The following PPP2R3C variants were observed in gnomAD, a reference collection of about 807,000 sequenced individuals.
PPP2R3C encodes the protein protein phosphatase 2 regulatory subunit B''gamma.
PPP2R3C carries 47 observed loss-of-function variants against 63.7 expected under a neutral mutation model. The observed-to-expected ratio is 0.74, with a 90% confidence interval of 0.58 to 0.94. The LOEUF is 0.94. Ranked by LOEUF, PPP2R3C falls within the 40% of genes least tolerant of loss-of-function variation. The pLI is 0.00. For synonymous variants in PPP2R3C, 180 were observed against 177.4 expected, an observed-to-expected ratio of 1.01 and a Z score of -0.12; for missense variants, 421 against 518.4, an observed-to-expected ratio of 0.81 and a Z score of 1.82.
chr14:35,099,342 G>C lies in PPP2R3C; in HGVS notation c.616C>G (p.Gln206Glu). 6.2e-7 allele frequency: 1 copy of C among 1,601,816 alleles called. No individual in the cohort carries two copies. ...YILELIPTLPQLDGLEKSFYS... is the reference protein window; with the variant it reads ...YILELIPTLPELDGLEKSFYS... ...AAAGATTTTTCCAGACCATCTAATT[G>C]TGGCAACGTAGGGATAAGTTCCAAT... The change falls in exon 7 of 13, where the codon CAA becomes GAA. Residue 206 changes from glutamine (Q) to glutamate (E), a missense_variant. Coordinates refer to ENST00000261475, the MANE Select transcript of PPP2R3C (RefSeq NM_017917.4).
chr14:35,096,437 G>A, intron 9 of PPP2R3C, 121 bp downstream of exon 9: 1 of 957,636 alleles, frequency 1.0e-6, no homozygotes, highest in South Asian at 1.6e-5. Flanking sequence ...GAATACTAAA[G>A]CTTAAGGTAA....
In PPP2R3C at chr14:35,109,881, C is replaced by A. The variant is rs1183689416; in HGVS notation, c.342G>T (p.Glu114Asp). 1 of 1,612,272 alleles carries A rather than the reference C, an allele frequency of 6.2e-7. No individual in the cohort carries two copies. The highest frequency in any genetic ancestry group is 2.2e-5 in the East Asian group (1 of 44,850). Residue 114 changes from glutamate to aspartate, a missense_variant, in exon 4 of 13, where the codon GAG (glutamate) becomes GAT (aspartate). Glu to Asp is a conservative substitution (Grantham distance 45). Coordinates refer to ENST00000261475, the MANE Select transcript of PPP2R3C (RefSeq NM_017917.4). ...DKHQTPPMIG[E>D]EAMINYENFL... ...AGTTTTCGTAATTGATCATCGCTTC[C>A]TCTCCAATCATAGGTGGTGTCTGGT...
chr14:35,090,138 A>T (rs1043138819), intron 11 of PPP2R3C, among the ~76,000 whole-genome samples: 1 of 152,102 alleles, frequency 6.6e-6, no homozygotes, highest in Non-Finnish European at 1.5e-5. Context: ...CAAATATGTG[A>T]TAAATTCTAT....
At chr14:35,091,743 C>T (rs747601972) in intron 10 of PPP2R3C, among the ~76,000 whole-genome samples, 15 of 151,118 alleles carry the variant, frequency 9.9e-5, no homozygotes, top group African/African-American at 2.7e-4. Context: ...TTTTTTGAGA[C>T]GGAGTCTTGC....
chr14:35,109,729 T>C, intron 4 of PPP2R3C, 90 bp downstream of exon 4: 1 of 1,071,422 alleles, frequency 9.3e-7, no homozygotes, highest in Non-Finnish European at 1.4e-6. Flanking sequence ...CTGCTGGGAT[T>C]ACAGGTGTGA....
In PPP2R3C at chr14:35,085,622, T is replaced by C. The variant is rs753034402; in HGVS notation, c.1330A>G (p.Ser444Gly). The C allele has an allele frequency of 3.7e-6, 6 of 1,612,378 alleles. No homozygotes were observed. Among genetic ancestry groups the C allele is most frequent in the Non-Finnish European group, 5.1e-6 (6 of 1,179,538 alleles). Residue 444 changes from serine to glycine, a missense_variant, in exon 13 of 13, where the codon AGT (serine) becomes GGT (glycine). Physicochemically the swap from Ser to Gly is moderately conservative, Grantham distance 56 (BLOSUM62 0). Coordinates refer to ENST00000261475, the MANE Select transcript of PPP2R3C (RefSeq NM_017917.4). The stretch of plus-strand genomic sequence containing the variant: ...TCATCAAGGTCTGCAGAGTTTTCAC[T>C]GTCATTTGCAACAAGAGCCTCTCTG... ...ENREALVANDSENSADLDDT is the reference protein window; with the variant it reads ...ENREALVANDGENSADLDDT
In PPP2R3C at chr14:35,085,763, T is replaced by G; in HGVS notation, c.1189A>C (p.Met397Leu). ...FQDVKDEIFDMVKPKDPLKIS... is the reference protein window; with the variant it reads ...FQDVKDEIFDLVKPKDPLKIS... ...TTCAAAGGATCCTTTGGTTTTACCA[T>G]GTCAAAGATTTCATCCTGCAAGAGA... Residue 397 changes from methionine to leucine, a missense_variant, in exon 13 of 13, where the codon ATG (methionine) becomes CTG (leucine). Transcript: ENST00000261475. 1 of 1,602,804 alleles carries G rather than the reference T, an allele frequency of 6.2e-7. No individual in the cohort carries two copies. The highest frequency in any genetic ancestry group is 8.5e-7 in the Non-Finnish European group (1 of 1,174,730).
chr14:35,108,162 A>C lies in PPP2R3C; in HGVS notation c.479T>G (p.Phe160Cys), dbSNP rs2138684762. The C allele has an allele frequency of 1.2e-6, 2 of 1,607,612 alleles. No individual in the cohort carries two copies. Among genetic ancestry groups the C allele is most frequent in the East Asian group, 4.5e-5 (2 of 44,502 alleles). ...DSYGRISIMQ[F>C]FNYVMRKVWL... ...ACCTTTTCTCATGACATAATTAAAG[A>C]ACTGCATGATGGAAATTCTTCCATA... Residue 160 changes from phenylalanine to cysteine, a missense_variant, in exon 5 of 13, where the codon TTC (phenylalanine) becomes TGC (cysteine). Coordinates refer to ENST00000261475, the MANE Select transcript of PPP2R3C (RefSeq NM_017917.4).
At chr14:35,098,405 T>C (rs2046075910) in intron 7 of PPP2R3C, among the ~76,000 whole-genome samples, 1 of 139,504 alleles carries the variant, frequency 7.2e-6, no homozygotes, top group Admixed American at 7.9e-5. Flanking sequence ...CAGGCTGGAA[T>C]GCAATAACGC....
chr14:35,089,374 G>A (rs1346442429), intron 11 of PPP2R3C, among the ~76,000 whole-genome samples: 1 of 151,978 alleles, frequency 6.6e-6, no homozygotes, highest in Non-Finnish European at 1.5e-5. Context: ...AACGTGCTGG[G>A]ATTAGAAGCA....
chr14:35,088,667 C>T (rs1251460208), intron 11 of PPP2R3C, among the ~76,000 whole-genome samples: 1 of 152,090 alleles, frequency 6.6e-6, no homozygotes, highest in African/African-American at 2.4e-5. Context: ...AAAGGAATCC[C>T]TTTGAAGTAG....
intron 1 of PPP2R3C, among the ~76,000 whole-genome samples, chr14:35,119,050 T>G (rs1296771853): frequency 6.6e-6 from 1 of 151,252 alleles, no homozygotes; most frequent in Non-Finnish European, 1.5e-5. Flanking sequence ...TTTTTTTTTT[T>G]TTTTTGAGAT....
chr14:35,107,445 G>T, intron 5 of PPP2R3C, 71 bp from the exon 6 acceptor site: 3 of 1,273,268 alleles, frequency 2.4e-6, no homozygotes, highest in Non-Finnish European at 2.3e-6. Context: ...GAGATAAAGA[G>T]CCAGATTTGA....
At chr14:35,113,438 A>G (rs562772646) in intron 2 of PPP2R3C, among the ~76,000 whole-genome samples, 1 of 152,280 alleles carries the variant, frequency 6.6e-6, no homozygotes, top group South Asian at 2.1e-4. Flanking sequence ...CAGGAACCAG[A>G]AAAAGAAGGC....
At chr14:35,107,507 T>A in intron 5 of PPP2R3C, 133 bp from the exon 6 acceptor site, 1 of 701,282 alleles carries the variant, frequency 1.4e-6, no homozygotes, top group Non-Finnish European at 2.4e-6. Context: ...ACAAAATTGC[T>A]TGAAACAAAA....
intron 10 of PPP2R3C, 117 bp from the exon 11 acceptor site, chr14:35,091,324 AAGTT>A: frequency 7.1e-6 from 7 of 982,168 alleles, no homozygotes; most frequent in Non-Finnish European, 8.6e-6. Context: ...TTTTTTCCCT[AAGTT>A]ATGATATGAG....
At chr14:35,110,054 C>T in intron 3 of PPP2R3C, 123 bp from the exon 4 acceptor site, 1 of 683,174 alleles carries the variant, frequency 1.5e-6, no homozygotes, top group East Asian at 2.8e-5. Context: ...TAAGATGAAT[C>T]TCATGCCCTA....
chr14:35,110,427 A>G, intron 3 of PPP2R3C, 98 bp downstream of exon 3: 1 of 750,202 alleles, frequency 1.3e-6, no homozygotes, highest in East Asian at 2.6e-5. Context: ...ACCACTCTGT[A>G]GTACGGACTC....
intron 6 of PPP2R3C, chr14:35,099,665 T>G (rs2046120781): frequency 3.7e-6 from 1 of 268,988 alleles, no homozygotes; most frequent in Admixed American, 5.6e-5. Flanking sequence ...AAGTAACTTG[T>G]ATTATCAACT....
Sources: allele counts gnomAD v4.1 joint callset (sites outside exome capture counted in the v4.1 genomes callset), GRCh38; gene constraint gnomAD v4.1.1; transcripts MANE v1.5; gene names NCBI Gene and HGNC (gene_info 2026-07-23, HGNC 2026-07-21).